EXOC6B: variants seen among roughly 807,000 people sequenced by gnomAD.
EXOC6B encodes the protein exocyst complex component 6B.
EXOC6B carries 54 observed loss-of-function variants against 113.5 expected under a neutral mutation model. The ratio of observed to expected loss-of-function variants is 0.48; its 90% CI spans 0.38 to 0.60. The LOEUF is 0.60. Among genes scored for constraint, EXOC6B ranks in the 20% least tolerant of loss-of-function variants. The probability of loss-of-function intolerance (pLI) is 0.00; values close to 1 mark genes in which losing one functional copy is unlikely to be tolerated. For missense variants in EXOC6B, 797 were observed against 977.5 expected (o/e 0.82, Z 2.46); for synonymous variants, 357 against 339.0 (o/e 1.05, Z -0.58).
chr2:72,462,436 A>G (rs902347949), intron 18 of EXOC6B: 1 of 152,066 alleles, frequency 6.6e-6, no homozygotes, highest in Non-Finnish European at 1.5e-5. Context: ...TTCATATTGA[A>G]ATTTAATCCC....
chr2:72,733,200 G>C (rs538986839), intron 2 of EXOC6B, 82 bp from the exon 3 acceptor site: 2 of 1,023,532 alleles, frequency 2.0e-6, no homozygotes, highest in African/African-American at 3.2e-5. Flanking sequence ...AATATGAAAA[G>C]ATTAGGAATA....
chr2:72,368,248 A>G (rs540213713), intron 19 of EXOC6B, among the ~76,000 whole-genome samples: 2 of 152,354 alleles, frequency 1.3e-5, no homozygotes, highest in African/African-American at 2.4e-5. Context: ...CTACGCAGAT[A>G]AACTAGAAAA....
intron 16 of EXOC6B, among the ~76,000 whole-genome samples, chr2:72,485,212 T>A (rs1246909256): frequency 6.6e-6 from 1 of 152,214 alleles, no homozygotes; most frequent in East Asian, 1.9e-4. Context: ...ATCTTCATCA[T>A]CTTCCATAGT....
chr2:72,640,638 T>A (rs2104337894), intron 6 of EXOC6B, among the ~76,000 whole-genome samples: 1 of 152,242 alleles, frequency 6.6e-6, no homozygotes, highest in African/African-American at 2.4e-5. Context: ...AAGGGAAGCC[T>A]ATCAGACTAA....
rs1346513619 is a variant in EXOC6B at position 72,449,411 on chromosome 2, T to TACACC, written c.1980+15744_1980+15748dup. Among the ~76,000 whole-genome samples, 165 of 151,938 alleles carry TACACC rather than the reference T, an allele frequency of 1.1e-3. 1 individual carries two copies. The highest frequency in any genetic ancestry group is 3.9e-3 in the African/African-American group (160 of 41,434). On this transcript the variant is annotated intron_variant, in intron 18 of 21. Transcript: ENST00000272427. ...TGGTCTCGATCTCCAGACCTCGTGA[T>TACACC]ACACCCGCCTCTGCCTCCCAAAGTG...
intron 18 of EXOC6B, chr2:72,464,155 T>C (rs1697886719): frequency 1.3e-5 from 2 of 152,184 alleles, no homozygotes; most frequent in African/African-American, 4.8e-5. Context: ...AGCTGAAACC[T>C]CATTAGGGAT....
chr2:72,187,621 C>T (rs1207589300), intron 20 of EXOC6B, among the ~76,000 whole-genome samples: 1 of 152,124 alleles, frequency 6.6e-6, no homozygotes. Context: ...AGAGTGGCTC[C>T]TCTCTGCAGC....
intron 6 of EXOC6B, among the ~76,000 whole-genome samples, chr2:72,690,482 T>C (rs1677405843): frequency 6.6e-6 from 1 of 152,208 alleles, no homozygotes; most frequent in Non-Finnish European, 1.5e-5. Flanking sequence ...AGTCTTTATT[T>C]TGAATCCCTT....
intron 5 of EXOC6B, among the ~76,000 whole-genome samples, chr2:72,725,349 T>C (rs758886913): frequency 3.3e-5 from 5 of 152,118 alleles, no homozygotes; most frequent in Non-Finnish European, 7.4e-5. Context: ...AACAATGAGA[T>C]ACTATTTCAC....
In EXOC6B at chr2:72,664,606, C is replaced by T. The variant is rs191965300; in HGVS notation, c.669+53497G>A. ...AGCTGCAGCAAAATGTGGCCATAGGCGCTCACCCTTCAAGGCGATCCATCT... is the reference window on the plus strand; with the variant it reads ...AGCTGCAGCAAAATGTGGCCATAGGTGCTCACCCTTCAAGGCGATCCATCT... On this transcript the variant is annotated intron_variant, in intron 6 of 21. Coordinates refer to ENST00000272427, the MANE Select transcript of EXOC6B (RefSeq NM_015189.3). Among the ~76,000 whole-genome samples the T allele has an allele frequency of 3.3e-5, 5 of 152,296 alleles. No individual in the cohort carries two copies. In the South Asian group the frequency reaches 6.2e-4, roughly 19 times the overall value.
intron 16 of EXOC6B, among the ~76,000 whole-genome samples, chr2:72,487,156 A>G (rs1238499543): frequency 6.6e-6 from 1 of 152,206 alleles, no homozygotes; most frequent in Non-Finnish European, 1.5e-5. Context: ...TATGGAACCA[A>G]CATAAACGCA....
chr2:72,337,345 A>G (rs1380969484), intron 19 of EXOC6B, among the ~76,000 whole-genome samples: 1 of 152,148 alleles, frequency 6.6e-6, no homozygotes, highest in Non-Finnish European at 1.5e-5. Flanking sequence ...TATCACTTGA[A>G]GCATCTGAAG....
chr2:72,732,225 T>A (rs1202354543), intron 3 of EXOC6B, among the ~76,000 whole-genome samples: 2 of 152,120 alleles, frequency 1.3e-5, no homozygotes, highest in East Asian at 3.9e-4. Flanking sequence ...CATGCCTCAA[T>A]GCAACCTCAA....
intron 11 of EXOC6B, among the ~76,000 whole-genome samples, chr2:72,505,733 T>C (rs553667329): frequency 2.6e-5 from 4 of 152,268 alleles, no homozygotes; most frequent in African/African-American, 9.6e-5. Context: ...GAATGACATT[T>C]TAGAATTTCT....
intron 20 of EXOC6B, among the ~76,000 whole-genome samples, chr2:72,258,572 G>A (rs1313165261): frequency 1.3e-5 from 2 of 151,562 alleles, no homozygotes; most frequent in African/African-American, 4.8e-5. Context: ...GTCTCCCTAT[G>A]TTGCCCAGGC....
At chr2:72,448,166 G>C (rs1406739322) in intron 18 of EXOC6B, among the ~76,000 whole-genome samples, 1 of 152,090 alleles carries the variant, frequency 6.6e-6, no homozygotes, top group African/African-American at 2.4e-5. Context: ...TATTCTAAAA[G>C]TTCCATGAAT....
At chr2:72,500,314 T>TA (rs1372234813) in intron 11 of EXOC6B, among the ~76,000 whole-genome samples, 2 of 152,176 alleles carry the variant, frequency 1.3e-5, no homozygotes, top group African/African-American at 2.4e-5. Context: ...GGTATGTGGC[T>TA]AAAACCATTT....
At chr2:72,478,927 A>T (rs1282638626) in intron 17 of EXOC6B, among the ~76,000 whole-genome samples, 1 of 152,142 alleles carries the variant, frequency 6.6e-6, no homozygotes, top group African/African-American at 2.4e-5. Flanking sequence ...AAGTATGGAA[A>T]TTTTTTTGAT....
At chr2:72,351,661 A>C (rs1270446014) in intron 19 of EXOC6B, among the ~76,000 whole-genome samples, 2 of 152,120 alleles carry the variant, frequency 1.3e-5, no homozygotes, top group African/African-American at 2.4e-5. Context: ...CTGAACTTCT[A>C]ATTTAATCAG....
Sources: gnomAD v4.1 joint callset for allele counts (sites outside exome capture counted in the v4.1 genomes callset) on GRCh38, gnomAD v4.1.1 for gene constraint, MANE v1.5 for transcripts, NCBI Gene and HGNC (gene_info 2026-07-23, HGNC 2026-07-21) for gene names.